The following ETV7 variants were observed in gnomAD, a reference collection of about 807,000 sequenced individuals.
ETV7 encodes transcription factor ETV7.
In ETV7, 43 loss-of-function variants were observed where a neutral mutation model predicts 39.1. The ratio of observed to expected loss-of-function variants is 1.10; its 90% CI spans 0.86 to 1.42. ETV7 has a LOEUF of 1.42. ETV7 is among the 40% of genes most tolerant of loss of function. The pLI, the probability that ETV7 is intolerant of heterozygous loss-of-function variation, is 0.00. For synonymous variants in ETV7, 196 were observed against 176.6 expected (o/e 1.11, Z -0.87); for missense variants, 432 against 442.3 (o/e 0.98, Z 0.21).
At chr6:36,361,422 G>A (rs73406979), downstream of ETV7, among the ~76,000 whole-genome samples, 144 of 152,340 alleles carry the variant, frequency 9.5e-4, no homozygotes, top group African/African-American at 3.1e-3. Flanking sequence ...AACCTTTTGT[G>A]AGAACATTTG....
chr6:36,360,786 A>C (rs1772468071), intron 7 of ETV7, among the ~76,000 whole-genome samples: 1 of 152,204 alleles, frequency 6.6e-6, no homozygotes, highest in Non-Finnish European at 1.5e-5. Flanking sequence ...CAGAAGGCCC[A>C]CAGCCCCACT....
downstream of ETV7, among the ~76,000 whole-genome samples, chr6:36,362,740 A>C (rs1772541655): frequency 6.6e-6 from 1 of 152,094 alleles, no homozygotes; most frequent in Non-Finnish European, 1.5e-5. Context: ...CGGAGTCGGG[A>C]TCTCTGGCAG....
chr6:36,371,655 G>C (rs1224088458), intron 4 of ETV7, 95 bp from the exon 5 acceptor site: 7 of 1,105,004 alleles, frequency 6.3e-6, no homozygotes, highest in Non-Finnish European at 9.2e-6. Flanking sequence ...CTGTGGGGCA[G>C]CACTCCTGAT....
chr6:36,356,647 T>C (rs1395289273), intron 7 of ETV7, among the ~76,000 whole-genome samples: 3 of 152,224 alleles, frequency 2.0e-5, no homozygotes, highest in Admixed American at 1.3e-4. Context: ...GACCAGTTGC[T>C]GTGGCCACGG....
chr6:36,361,185 C>T (rs898057122), intron 7 of ETV7, among the ~76,000 whole-genome samples: 2 of 152,242 alleles, frequency 1.3e-5, no homozygotes, highest in African/African-American at 4.8e-5. Flanking sequence ...CTTTAAACTC[C>T]TCACTCAAGT....
At position 36,356,171 on chromosome 6, in the gene ETV7, C is replaced by T. The variant is rs144889437; in HGVS notation, c.909-1484G>A. On this transcript the variant is annotated intron_variant, in intron 7 of 7. Transcript: ENST00000339796. ...ACATGTGGCTGGGCACAGTGGCTCA[C>T]GCCTGTAATCCCTTCTCTTTGGGAA... Among the ~76,000 whole-genome samples, 483 of 152,106 alleles carry T rather than the reference C, an allele frequency of 3.2e-3. 1 individual carries two copies. The highest frequency in any genetic ancestry group is 0.011 in the African/African-American group (442 of 41,514).
At chr6:36,363,027 C>T (rs189982742), downstream of ETV7, among the ~76,000 whole-genome samples, 1 of 152,330 alleles carries the variant, frequency 6.6e-6, no homozygotes, top group East Asian at 1.9e-4. Context: ...GCGCAAGTCA[C>T]TTCGCTCTGG....
At chr6:36,373,692 C>T in intron 3 of ETV7, 114 bp from the exon 4 acceptor site, 1 of 1,247,324 alleles carries the variant, frequency 8.0e-7, no homozygotes. Context: ...CTTGTCACAG[C>T]TTCATGCCGA....
intron 3 of ETV7, 124 bp downstream of exon 3, chr6:36,375,747 G>A (rs1561910599): frequency 1.3e-6 from 2 of 1,498,930 alleles, no homozygotes; most frequent in Non-Finnish European, 1.8e-6. Flanking sequence ...CTGCAGTGCT[G>A]GAAATGAGCA....
intron 6 of ETV7, among the ~76,000 whole-genome samples, chr6:36,367,878 G>T (rs1376769946): frequency 6.6e-6 from 1 of 152,076 alleles, no homozygotes; most frequent in Non-Finnish European, 1.5e-5. Flanking sequence ...ATAAGTCAAG[G>T]ATTAAATTAT....
chr6:36,371,484 GT>G lies in ETV7; in HGVS notation c.509del (p.Asn170ThrfsTer103). The G allele has an allele frequency of 6.2e-7, 1 of 1,605,342 alleles. No homozygotes were observed. The highest frequency in any genetic ancestry group is 8.5e-7 in the Non-Finnish European group (1 of 1,175,886). ...LQPPDPGLTSNFGHLDDPGLA... is the reference protein window; with the variant it reads ...LQPPDPGLTSXFGHLDDPGLA... ...GGCCAGGGTCATCCAGGTGGCCGAA[GT>G]TGCTGGTAAGCCCTGGGTCTGGTGG... On this transcript the variant is annotated frameshift_variant, in exon 5 of 8. Transcript: ENST00000340181. LOFTEE classifies it high-confidence loss of function.
At chr6:36,372,251 G>A (rs1773067558) in intron 4 of ETV7, among the ~76,000 whole-genome samples, 1 of 152,164 alleles carries the variant, frequency 6.6e-6, no homozygotes, top group Non-Finnish European at 1.5e-5. Flanking sequence ...AGGCCCTGGG[G>A]CAGGAGCATC....
chr6:36,363,539 C>T (rs921000281), downstream of ETV7, among the ~76,000 whole-genome samples: 2 of 152,310 alleles, frequency 1.3e-5, no homozygotes, highest in East Asian at 1.9e-4. Context: ...TCGCACTAAG[C>T]GTTACAGCTA....
At chr6:36,387,124 G>A (rs1478078485) in intron 1 of ETV7, among the ~76,000 whole-genome samples, 1 of 152,168 alleles carries the variant, frequency 6.6e-6, no homozygotes, top group Non-Finnish European at 1.5e-5. Flanking sequence ...CAGTCTCGAG[G>A]CACCTAGAAA....
At chr6:36,361,526 C>T (rs1036860916), downstream of ETV7, among the ~76,000 whole-genome samples, 1 of 152,174 alleles carries the variant, frequency 6.6e-6, no homozygotes, top group African/African-American at 2.4e-5. Context: ...GAGGATGGGT[C>T]CCCAGCATCA....
chr6:36,371,333 C>T lies in ETV7; in HGVS notation c.661G>A (p.Ala221Thr), dbSNP rs750289065. 7.6e-6 allele frequency: 12 copies of T among 1,581,700 alleles called. No homozygotes were observed. The highest frequency in any genetic ancestry group is 1.8e-5 in the Admixed American group (1 of 56,548). The change falls in exon 5 of 8, where the codon GCT becomes ACT. Residue 221 changes from alanine to threonine, a missense_variant. Coordinates refer to ENST00000340181, the MANE Select transcript of ETV7 (RefSeq NM_016135.4). ...MPQAPIDGRI[A>T]DCRLLWDYVY... ...AGAGGAACAGCCTCCCACTCACCAG[C>T]GATCCTGCCGTCAATGGGGGCCTGC... is the stretch of plus-strand genomic sequence containing the variant.
chr6:36,354,693 A>AT (rs1279006753), intron 7 of ETV7: 2 of 697,674 alleles, frequency 2.9e-6, no homozygotes, highest in African/African-American at 3.5e-5. Context: ...CATTTCTGCA[A>AT]TAAAAAAAAA....
chr6:36,384,779 C>T (rs1773812968), intron 2 of ETV7, among the ~76,000 whole-genome samples: 1 of 152,064 alleles, frequency 6.6e-6, no homozygotes, highest in Non-Finnish European at 1.5e-5. Flanking sequence ...GTTCCAGCTA[C>T]TCAGGAGGCT....
At chr6:36,357,079 A>G (rs1772361401) in intron 7 of ETV7, among the ~76,000 whole-genome samples, 2 of 152,212 alleles carry the variant, frequency 1.3e-5, no homozygotes, top group South Asian at 2.1e-4. Flanking sequence ...TGGATCCACA[A>G]GGAGAAACCT....
Sources: allele counts gnomAD v4.1 joint callset (sites outside exome capture counted in the v4.1 genomes callset), GRCh38; gene constraint gnomAD v4.1.1; transcripts MANE v1.5; gene names NCBI Gene and HGNC (gene_info 2026-07-23, HGNC 2026-07-21).